Variants in TULP4 observed in about 807,000 individuals in gnomAD.
TULP4 encodes TUB like protein 4.
A neutral mutation model predicts 129.0 loss-of-function variants in TULP4; 16 were observed. The ratio of observed to expected loss-of-function variants is 0.12; its 90% confidence interval spans 0.08 to 0.19. TULP4 has a LOEUF of 0.19. Among genes scored for constraint, TULP4 ranks in the 10% least tolerant of loss-of-function variants. The pLI, the probability that TULP4 is intolerant of heterozygous loss-of-function variation, is 1.00. For synonymous variants in TULP4, 998 were observed against 854.0 expected (o/e 1.17, Z -2.94); for missense variants, 1,842 against 2,059.1 (o/e 0.89, Z 2.04).
chr6:158,450,644 C>T (rs1245404635), intron 4 of TULP4, among the ~76,000 whole-genome samples: 2 of 152,028 alleles, frequency 1.3e-5, no homozygotes, highest in East Asian at 3.9e-4. Flanking sequence ...CATATTTCTA[C>T]AGCCTCATAA....
chr6:158,405,825 G>A (rs1269936121), intron 1 of TULP4, among the ~76,000 whole-genome samples: 1 of 152,172 alleles, frequency 6.6e-6, no homozygotes, highest in African/African-American at 2.4e-5. Context: ...AGACGTACAA[G>A]CCTTGCCTCG....
chr6:158,466,892 C>G (rs1205412810), intron 6 of TULP4, among the ~76,000 whole-genome samples: 1 of 152,164 alleles, frequency 6.6e-6, no homozygotes, highest in East Asian at 1.9e-4. Flanking sequence ...TCTGCCTGAT[C>G]ACTTTTCGCA....
chr6:158,298,526 C>G (rs1201345652), intron 1 of TULP4, among the ~76,000 whole-genome samples: 1 of 151,938 alleles, frequency 6.6e-6, no homozygotes, highest in African/African-American at 2.4e-5. Flanking sequence ...TTCGTTCTCC[C>G]AGTTTTGACA....
intron 1 of TULP4, among the ~76,000 whole-genome samples, chr6:158,252,893 G>A (rs889065907): frequency 2.0e-5 from 3 of 152,040 alleles, no homozygotes; most frequent in East Asian, 1.9e-4. Flanking sequence ...TTCTATCCGC[G>A]TTTGTGTAGA....
At chr6:158,376,847 C>T (rs1186409497) in intron 1 of TULP4, among the ~76,000 whole-genome samples, 8 of 152,192 alleles carry the variant, frequency 5.3e-5, no homozygotes, top group Non-Finnish European at 7.3e-5. Context: ...CCAGTAGCTG[C>T]GGCAGCCATC....
In TULP4 at chr6:158,503,244, G is replaced by A. The variant is rs774086017; in HGVS notation, c.3581G>A (p.Ser1194Asn). Residue 1194 changes from serine (S) to asparagine (N), a missense_variant, in exon 13 of 14, where the codon AGC becomes AAC. Around this residue, in one of 5 missense-constraint regions of TULP4, gnomAD observed 1,089 missense variants for 987.1 expected, o/e 1.10. Coordinates refer to ENST00000367097, the MANE Select transcript of TULP4 (RefSeq NM_020245.5). The surrounding 1 kb of genome is among the most constrained non-coding windows in gnomAD (Gnocchi z 4.3). ...GGGATGGGAGTGCCATATCCAGGAA[G>A]CTATAACAACCCCCCTTTGCCTGGA... The part of the protein sequence containing the change: ...GYGMGVPYPG[S>N]YNNPPLPGVQ... The A allele has an allele frequency of 6.2e-7, 1 of 1,613,964 alleles. No homozygotes were observed. Among genetic ancestry groups the A allele is most frequent in the African/African-American group, 1.3e-5 (1 of 74,878 alleles).
chr6:158,293,864 T>G (rs1778984741), intron 1 of TULP4, among the ~76,000 whole-genome samples: 2 of 152,266 alleles, frequency 1.3e-5, no homozygotes, highest in African/African-American at 4.8e-5. Flanking sequence ...TTCTTCTGGA[T>G]GTATGTGTTT....
intron 1 of TULP4, among the ~76,000 whole-genome samples, chr6:158,318,870 CAT>C (rs1779555622): frequency 6.6e-6 from 1 of 150,848 alleles, no homozygotes; most frequent in Non-Finnish European, 1.5e-5. Context: ...GGACTACAGA[CAT>C]ATGCCACAAT....
At chr6:158,254,283 C>T (rs1234422821) in intron 1 of TULP4, among the ~76,000 whole-genome samples, 1 of 151,758 alleles carries the variant, frequency 6.6e-6, no homozygotes, top group Admixed American at 6.6e-5. Flanking sequence ...GCTGGGATTA[C>T]AGGAATGCGC....
intron 6 of TULP4, among the ~76,000 whole-genome samples, chr6:158,468,088 C>T: frequency 6.6e-6 from 1 of 152,196 alleles, no homozygotes; most frequent in East Asian, 1.9e-4. Context: ...CTTACAGACT[C>T]CCTGCTGAGT....
chr6:158,309,159 T>A (rs76871710), upstream of TULP4, among the ~76,000 whole-genome samples: 1 of 17,258 alleles, frequency 5.8e-5, no homozygotes, highest in Non-Finnish European at 1.5e-4. Flanking sequence ...GCAGAGGGGC[T>A]CCTCACTTCT....
In TULP4 at chr6:158,499,253, G is replaced by A. The variant is rs1458375050; in HGVS notation, c.2014+441G>A. Among the ~76,000 whole-genome samples the A allele has an allele frequency of 5.3e-5, 8 of 152,240 alleles. No individual in the cohort carries two copies. In the South Asian group the frequency reaches 1.2e-3, roughly 24 times the overall value. On this transcript the variant is annotated intron_variant, in intron 12 of 13. Coordinates refer to ENST00000367097, the MANE Select transcript of TULP4 (RefSeq NM_020245.5). ...TGTCTCACTCCAGCATTCCCGTGGT[G>A]CGCACAGAGCCCAGTTTCTCAAATC... is the stretch of plus-strand genomic sequence containing the variant.
chr6:158,429,867 G>T lies in TULP4; in HGVS notation c.513G>T (p.Thr171=), dbSNP rs138932674. The T allele has an allele frequency of 8.7e-6, 14 of 1,613,880 alleles. No homozygotes were observed. Among genetic ancestry groups the T allele is most frequent in the Admixed American group, 1.7e-5 (1 of 59,970 alleles). Residue 171 remains threonine, a synonymous_variant, in exon 3 of 14, where the codon ACG becomes ACT. Coordinates refer to ENST00000367097, the MANE Select transcript of TULP4 (RefSeq NM_020245.5). ...AAATCAACTTGGAAAGTCAAATTACGTGTGGCATATGGACTCCTGACGACC... is the reference window on the plus strand; with the variant it reads ...AAATCAACTTGGAAAGTCAAATTACTTGTGGCATATGGACTCCTGACGACC... The part of the protein sequence containing the change: ...SSEINLESQI[T]CGIWTPDDQQ...
chr6:158,291,819 C>T (rs1778947149), intron 1 of TULP4, among the ~76,000 whole-genome samples: 1 of 152,062 alleles, frequency 6.6e-6, no homozygotes, highest in African/African-American at 2.4e-5. Context: ...TAATTGTAGA[C>T]TGCATTTTAT....
At chr6:158,384,334 C>T (rs1777391221) in intron 1 of TULP4, among the ~76,000 whole-genome samples, 1 of 149,062 alleles carries the variant, frequency 6.7e-6, no homozygotes. Context: ...GTGACCCAGG[C>T]TGGAGTGCAG....
intron 1 of TULP4, among the ~76,000 whole-genome samples, 158 bp downstream of exon 1, chr6:158,314,426 G>GCAGATT (rs2128483462): frequency 6.6e-6 from 1 of 152,032 alleles, no homozygotes; most frequent in South Asian, 2.1e-4. Context: ...CAGAAAAGAT[G>GCAGATT]CTAAGATGGA....
At chr6:158,324,833 G>A (rs1779711105) in intron 1 of TULP4, among the ~76,000 whole-genome samples, 1 of 152,146 alleles carries the variant, frequency 6.6e-6, no homozygotes, top group African/African-American at 2.4e-5. Context: ...TTGAATTTGT[G>A]TCTGTGTGTT....
At chr6:158,422,339 G>T (rs976969461) in intron 2 of TULP4, among the ~76,000 whole-genome samples, 1 of 152,206 alleles carries the variant, frequency 6.6e-6, no homozygotes, top group Non-Finnish European at 1.5e-5. Context: ...ATAAGATGCA[G>T]GTAGTTCAAT....
At chr6:158,269,206 T>C (rs1048043709) in intron 1 of TULP4, among the ~76,000 whole-genome samples, 2 of 152,198 alleles carry the variant, frequency 1.3e-5, no homozygotes, top group Non-Finnish European at 2.9e-5. Context: ...TTCTTCCTAT[T>C]CCAAAGTAAC....
Sources: allele counts gnomAD v4.1 joint callset (sites outside exome capture counted in the v4.1 genomes callset), GRCh38; gene constraint gnomAD v4.1.1; regional missense constraint gnomAD v4.1.1; non-coding constraint Gnocchi (gnomAD v3.1); transcripts MANE v1.5; gene names NCBI Gene and HGNC (gene_info 2026-07-23, HGNC 2026-07-21).